The following CDC42BPB variants were observed in gnomAD, a reference collection of about 807,000 sequenced individuals.
The protein encoded by CDC42BPB is CDC42 binding protein kinase beta.
In CDC42BPB, 37 loss-of-function variants were observed where a neutral mutation model predicts 214.9. That is an observed-to-expected ratio of 0.17 (90% confidence interval 0.13 to 0.23). The LOEUF is 0.23. Ranked by LOEUF, CDC42BPB falls within the 10% of genes least tolerant of loss-of-function variation. The pLI is 1.00. For synonymous variants in CDC42BPB, 931 were observed against 884.0 expected, an observed-to-expected ratio of 1.05 and a Z score of -0.94; for missense variants, 1,694 against 2,227.0, an observed-to-expected ratio of 0.76 and a Z score of 4.82.
chr14:102,995,880 A>T (rs915883763), intron 5 of CDC42BPB, among the ~76,000 whole-genome samples: 6 of 152,238 alleles, frequency 3.9e-5, no homozygotes, highest in African/African-American at 9.6e-5. Context: ...CCCACCTGAG[A>T]CTGGGGTAAG....
intron 13 of CDC42BPB, among the ~76,000 whole-genome samples, chr14:102,970,878 G>A (rs1431021551): frequency 6.6e-6 from 1 of 152,226 alleles, no homozygotes; most frequent in Non-Finnish European, 1.5e-5. Context: ...AAAGAACAAA[G>A]AGCCCTGAAC....
At chr14:102,978,070 C>G (rs1893837732) in intron 9 of CDC42BPB, 56 bp downstream of exon 9, 2 of 1,339,938 alleles carry the variant, frequency 1.5e-6, no homozygotes, top group African/African-American at 1.4e-5. Flanking sequence ...TGGTGTCTGA[C>G]TGTTCATCTA....
chr14:103,018,899 T>C (rs1290680381), intron 1 of CDC42BPB, among the ~76,000 whole-genome samples: 1 of 152,180 alleles, frequency 6.6e-6, no homozygotes, highest in Non-Finnish European at 1.5e-5. Context: ...GTGAGGCAAC[T>C]AGAGACAGAC....
intron 22 of CDC42BPB, 36 bp downstream of exon 22, chr14:102,954,566 C>A: frequency 6.3e-7 from 1 of 1,581,012 alleles, no homozygotes; most frequent in South Asian, 1.1e-5. Context: ...AGGGCAGACC[C>A]CAGGTGGGAG....
chr14:102,980,857 G>A lies in CDC42BPB; in HGVS notation c.1056C>T (p.Asn352=), dbSNP rs1893965235. 1.2e-6 allele frequency: 2 copies of A among 1,614,048 alleles called. No individual in the cohort carries two copies. Among genetic ancestry groups the A allele is most frequent in the South Asian group, 2.2e-5 (2 of 91,082 alleles). ...FEGLNWENIR[N]LEAPYIPDVS... is the part of the protein sequence containing the mutation. ...CATCAGGAATATAAGGTGCTTCTAG[G>A]TTTCGTATATTTTCCCAATTTAGAC... Residue 352 remains asparagine, a synonymous_variant, in exon 8 of 37, where the codon AAC becomes AAT. Transcript: ENST00000361246.
In CDC42BPB at chr14:103,001,229, T is replaced by C. The variant is rs936349553; in HGVS notation, c.448-1516A>G. 6.6e-6 allele frequency among the ~76,000 whole-genome samples: 1 copy of C among 152,116 alleles called. No homozygotes were observed. Among genetic ancestry groups the C allele is most frequent in the African/African-American group, 2.4e-5 (1 of 41,414 alleles). On this transcript the variant is annotated intron_variant, in intron 4 of 36. Transcript: ENST00000361246. The surrounding 1 kb of genome is among the most constrained non-coding windows in gnomAD (Gnocchi z 5.8). ...GTCCTTCCCCGCCGAGTTTTTCAAT[T>C]TGTTCATTCGCTCGTGCACCCTCAC...
rs746535871 is a variant in CDC42BPB at position 102,966,398 on chromosome 14, G to C, written c.2472-11C>G. 6.2e-7 allele frequency: 1 copy of C among 1,612,522 alleles called. No homozygotes were observed. The highest frequency in any genetic ancestry group is 1.1e-5 in the South Asian group (1 of 90,948). On this transcript the variant is annotated splice_polypyrimidine_tract_variant and intron_variant, in intron 17 of 36. Coordinates refer to ENST00000361246, the MANE Select transcript of CDC42BPB (RefSeq NM_006035.4). ...TTCTCGTCACTGACCCTGGAGGAGGGAACAGATGTTCTATCTCACGAAGCA... is the reference window on the plus strand; with the variant it reads ...TTCTCGTCACTGACCCTGGAGGAGGCAACAGATGTTCTATCTCACGAAGCA...
Position 103,057,256 on chromosome 14 carries a change from G to A in CDC42BPB, c.-83C>T. On this transcript the variant is annotated 5_prime_UTR_variant, in exon 1 of 37. Coordinates refer to ENST00000361246, the MANE Select transcript of CDC42BPB (RefSeq NM_006035.4). ...GTCAGGGCGCGCCCTCGGGGGCTCGGCGGCTGCGAGCCCCGGCAGCAGCGG... is the reference window on the plus strand; with the variant it reads ...GTCAGGGCGCGCCCTCGGGGGCTCGACGGCTGCGAGCCCCGGCAGCAGCGG... 8.5e-7 allele frequency: 1 copy of A among 1,183,006 alleles called. No homozygotes were observed. Among genetic ancestry groups the A allele is most frequent in the Non-Finnish European group, 1.0e-6 (1 of 956,956 alleles). The allele number at this position is 1,183,006 out of a possible 1,614,324, so 73.3% of individuals were successfully genotyped here.
intron 1 of CDC42BPB, among the ~76,000 whole-genome samples, chr14:103,016,378 C>T (rs1167262894): frequency 1.3e-5 from 2 of 152,240 alleles, no homozygotes; most frequent in African/African-American, 4.8e-5. Flanking sequence ...CCAGCACCTG[C>T]TTCAGGCAGA....
intron 21 of CDC42BPB, 174 bp from the exon 22 acceptor site, chr14:102,954,862 T>A (rs543578464): frequency 6.1e-6 from 6 of 981,414 alleles, no homozygotes; most frequent in Admixed American, 1.2e-4. Flanking sequence ...CCTGCTCCAC[T>A]CCCAGCTGGC....
intron 4 of CDC42BPB, 159 bp from the exon 5 acceptor site, chr14:102,999,872 T>C (rs1182218317): frequency 1.9e-5 from 19 of 985,276 alleles, no homozygotes; most frequent in Non-Finnish European, 2.2e-5. Context: ...TTCTGGAACA[T>C]GCGCCCCGAT....
At chr14:103,046,287 T>C (rs908884331) in intron 1 of CDC42BPB, among the ~76,000 whole-genome samples, 1 of 152,048 alleles carries the variant, frequency 6.6e-6, no homozygotes, top group African/African-American at 2.4e-5. Context: ...TAAAGAATTC[T>C]ATCACTAACT....
At chr14:102,947,661 G>T in intron 27 of CDC42BPB, 60 bp downstream of exon 27, 1 of 1,409,750 alleles carries the variant, frequency 7.1e-7, no homozygotes. Flanking sequence ...ACAATGACAT[G>T]CCTAGAACAA....
intron 19 of CDC42BPB, among the ~76,000 whole-genome samples, chr14:102,964,036 C>T (rs570386890): frequency 9.2e-5 from 14 of 152,282 alleles, no homozygotes; most frequent in South Asian, 2.1e-4. Flanking sequence ...GTGAAAATGG[C>T]GTTCTCGTTA....
intron 20 of CDC42BPB, among the ~76,000 whole-genome samples, chr14:102,960,529 G>T (rs549692787): frequency 1.3e-5 from 2 of 152,284 alleles, no homozygotes; most frequent in African/African-American, 4.8e-5. Flanking sequence ...GACAGAGACA[G>T]GAGGATCACT....
intron 14 of CDC42BPB, among the ~76,000 whole-genome samples, chr14:102,969,625 C>T (rs1186858827): frequency 6.6e-6 from 1 of 152,216 alleles, no homozygotes; most frequent in Non-Finnish European, 1.5e-5. Flanking sequence ...CCAGGCCACG[C>T]CATACTGCCA....
chr14:103,032,812 A>T (rs1887465186), intron 1 of CDC42BPB, among the ~76,000 whole-genome samples: 2 of 151,198 alleles, frequency 1.3e-5, no homozygotes, highest in South Asian at 4.2e-4. Context: ...TTTATATTTT[A>T]GTAGTTTCAT....
intron 2 of CDC42BPB, among the ~76,000 whole-genome samples, chr14:103,009,679 G>A (rs1490436199): frequency 6.6e-6 from 1 of 152,156 alleles, no homozygotes; most frequent in Non-Finnish European, 1.5e-5. Context: ...TCTCTGCCCT[G>A]GTGTGCCTCT....
intron 9 of CDC42BPB, among the ~76,000 whole-genome samples, chr14:102,977,423 G>A (rs919299495): frequency 1.3e-4 from 19 of 150,896 alleles, no homozygotes; most frequent in African/African-American, 3.6e-4. Flanking sequence ...GCCAGAGGAC[G>A]CCAGGAATCA....
Sources: allele counts gnomAD v4.1 joint callset (sites outside exome capture counted in the v4.1 genomes callset), GRCh38; gene constraint gnomAD v4.1.1; non-coding constraint Gnocchi (gnomAD v3.1); transcripts MANE v1.5; gene names NCBI Gene and HGNC (gene_info 2026-07-23, HGNC 2026-07-21).